CCDC144A: variants seen among roughly 807,000 people sequenced by gnomAD.
CCDC144A encodes coiled-coil domain-containing protein 144A.
Under a neutral mutation model 143.8 loss-of-function variants are expected in CCDC144A, and 41 were observed. That is an observed-to-expected ratio of 0.29 (90% CI 0.22 to 0.37). CCDC144A has a LOEUF of 0.37. Ranked by LOEUF, CCDC144A falls within the 10% of genes least tolerant of loss-of-function variation. The pLI is 1.00. For synonymous variants in CCDC144A, 242 were observed against 517.9 expected (o/e 0.47, Z 7.23); for missense variants, 637 against 1,488.8 (o/e 0.43, Z 9.41).
At chr17:16,754,306 G>T (rs1914968195) in intron 12 of CCDC144A, among the ~76,000 whole-genome samples, 1 of 152,000 alleles carries the variant, frequency 6.6e-6, no homozygotes, top group South Asian at 2.1e-4. Flanking sequence ...TTTGAGTTTT[G>T]GGTCTGTTCT....
At chr17:16,684,065 A>C in the CCDC144A span, 1 of 910,950 alleles carries the variant, frequency 1.1e-6, no homozygotes. Context: ...GAAAATCAAT[A>C]AACTGGTTCT....
At chr17:16,681,716 C>T in the CCDC144A span, among the ~76,000 whole-genome samples, 1 of 151,838 alleles carries the variant, frequency 6.6e-6, no homozygotes, top group African/African-American at 2.4e-5. Flanking sequence ...AAAAATTAGC[C>T]GGGTGTGGTG....
At chr17:16,703,172 A>T (rs1911828206) in intron 2 of CCDC144A, among the ~76,000 whole-genome samples, 1 of 152,210 alleles carries the variant, frequency 6.6e-6, no homozygotes, top group Non-Finnish European at 1.5e-5. Flanking sequence ...AGAATTTATT[A>T]TGTCCATTCC....
chr17:16,707,730 C>CAT lies in CCDC144A; in HGVS notation c.738+190_738+191dup, dbSNP rs1332614054. On this transcript the variant is annotated intron_variant, in intron 4 of 16. Coordinates refer to ENST00000399273, the MANE Select transcript of CCDC144A (RefSeq NM_001382000.1). ...AAAACACAATATTGTTAGAATCTAT[C>CAT]ATAACTTATAGTTAATCTTTACCCT... Among the ~76,000 whole-genome samples the CAT allele has an allele frequency of 7.2e-5, 11 of 152,250 alleles. No individual in the cohort carries two copies. The East Asian group carries it at 2.1e-3, about 29-fold the overall frequency.
the CCDC144A span, among the ~76,000 whole-genome samples, chr17:16,682,895 T>TG: frequency 1.2e-5 from 1 of 85,310 alleles, no homozygotes; most frequent in South Asian, 4.3e-4. Flanking sequence ...TTTTTTTTTT[T>TG]TTTTTTTTTT....
At chr17:16,686,441 C>A (rs1910783495), upstream of CCDC144A, among the ~76,000 whole-genome samples, 1 of 152,022 alleles carries the variant, frequency 6.6e-6, no homozygotes, top group Non-Finnish European at 1.5e-5. Flanking sequence ...CAAGGAGTTT[C>A]CCCGACTACC....
intron 11 of CCDC144A, 40 bp from the exon 12 acceptor site, chr17:16,734,650 A>G (rs1313216478): frequency 6.9e-7 from 1 of 1,450,268 alleles, no homozygotes; most frequent in East Asian, 2.5e-5. Flanking sequence ...ATAATCTGTC[A>G]TTTTATTGAG....
chr17:16,688,484 G>GTTTTTTTTTTTTTTTTTTTTTTTTT (rs66493875), upstream of CCDC144A, among the ~76,000 whole-genome samples: 1 of 71,624 alleles, frequency 1.4e-5, no homozygotes, highest in African/African-American at 5.3e-5. Context: ...TTCTTTTTCT[G>GTTTTTTTTTTTTTTTTTTTTTTTTT]TTTTTTTTTT....
chr17:16,688,484 G>GTTTTTTTTTTTTTTTTTTTTTTTT (rs66493875), upstream of CCDC144A, among the ~76,000 whole-genome samples: 2 of 71,622 alleles, frequency 2.8e-5, no homozygotes, highest in African/African-American at 5.3e-5. Flanking sequence ...TTCTTTTTCT[G>GTTTTTTTTTTTTTTTTTTTTTTTT]TTTTTTTTTT....
At chr17:16,746,610 T>G (rs1914533156) in intron 12 of CCDC144A, 3 of 1,613,380 alleles carry the variant, frequency 1.9e-6, no homozygotes. Context: ...TCATCAGGAT[T>G]CCTAAAATTA....
intron 8 of CCDC144A, among the ~76,000 whole-genome samples, chr17:16,720,933 C>T (rs994694038): frequency 3.9e-5 from 6 of 152,034 alleles, no homozygotes; most frequent in Non-Finnish European, 7.4e-5. Flanking sequence ...TGGAATGCTG[C>T]GAGAATCTTA....
intron 12 of CCDC144A, among the ~76,000 whole-genome samples, chr17:16,747,432 G>GT (rs1458280879): frequency 8.5e-5 from 13 of 152,230 alleles, no homozygotes; most frequent in African/African-American, 3.1e-4. Context: ...TTTTAGAATA[G>GT]TTTTTTCTAA....
chr17:16,750,746 T>C (rs1433959864), intron 12 of CCDC144A, among the ~76,000 whole-genome samples: 1 of 151,848 alleles, frequency 6.6e-6, no homozygotes. Context: ...TTTAAAATGG[T>C]TTTTTCTTTA....
intron 12 of CCDC144A, among the ~76,000 whole-genome samples, chr17:16,737,117 A>G (rs1301039804): frequency 1.3e-5 from 2 of 150,510 alleles, no homozygotes; most frequent in Admixed American, 1.3e-4. Flanking sequence ...AAGGCGAATC[A>G]TATATGTGTT....
chr17:16,725,887 A>G (rs998382071), intron 8 of CCDC144A, among the ~76,000 whole-genome samples: 3 of 150,932 alleles, frequency 2.0e-5, no homozygotes, highest in Non-Finnish European at 4.4e-5. Context: ...AGTTTTGGCC[A>G]TTCTTTTTTT....
At chr17:16,684,414 G>A in the CCDC144A span, among the ~76,000 whole-genome samples, 3 of 152,154 alleles carry the variant, frequency 2.0e-5, no homozygotes, top group Non-Finnish European at 4.4e-5. Flanking sequence ...CCAGCACTTT[G>A]GGAGGCTGAG....
chr17:16,711,147 A>AAAAAAAAC (rs1427523140), intron 5 of CCDC144A, among the ~76,000 whole-genome samples: 2 of 140,144 alleles, frequency 1.4e-5, no homozygotes, highest in Non-Finnish European at 3.1e-5. Context: ...AAAAAAAAAA[A>AAAAAAAAC]AAAAAAAAAA....
intron 6 of CCDC144A, among the ~76,000 whole-genome samples, chr17:16,717,364 C>T (rs1375117110): frequency 6.6e-6 from 1 of 152,148 alleles, no homozygotes; most frequent in Non-Finnish European, 1.5e-5. Flanking sequence ...CCCGCCTCAG[C>T]CTCCCAAAGT....
At chr17:16,750,199 T>G (rs1914724385) in intron 12 of CCDC144A, among the ~76,000 whole-genome samples, 1 of 152,128 alleles carries the variant, frequency 6.6e-6, no homozygotes, top group South Asian at 2.1e-4. Flanking sequence ...GTGGGCTATG[T>G]ACTTAGGTGT....
Sources: allele counts gnomAD v4.1 joint callset (sites outside exome capture counted in the v4.1 genomes callset), GRCh38; gene constraint gnomAD v4.1.1; transcripts MANE v1.5; gene names NCBI Gene and HGNC (gene_info 2026-07-23, HGNC 2026-07-21).